Variants in RCBTB2 observed in about 807,000 individuals in gnomAD.
RCBTB2 encodes the protein RCC1 and BTB domain containing protein 2.
A neutral mutation model predicts 65.4 loss-of-function variants in RCBTB2; 55 were observed. The ratio of observed to expected loss-of-function variants is 0.84; its 90% confidence interval spans 0.68 to 1.05. The LOEUF (loss-of-function observed/expected upper bound fraction) is 1.05. Ranked by LOEUF, RCBTB2 falls within the 50% of genes least tolerant of loss-of-function variation. The probability of loss-of-function intolerance (pLI) is 0.00; values close to 1 mark genes in which losing one functional copy is unlikely to be tolerated. For synonymous variants in RCBTB2, 220 were observed against 255.2 expected (o/e 0.86, Z 1.31); for missense variants, 599 against 680.1 (o/e 0.88, Z 1.33).
chr13:48,512,025 G>C lies in RCBTB2; in HGVS notation c.666C>G (p.Asp222Glu). 1 of 1,613,828 alleles carries C rather than the reference G, an allele frequency of 6.2e-7. No individual in the cohort carries two copies. The highest frequency in any genetic ancestry group is 1.3e-5 in the African/African-American group (1 of 75,022). Reference protein sequence around the residue: ...CGQMCCMAVVDTGEVYVWGYN... With the variant: ...CGQMCCMAVVETGEVYVWGYN... ...AAAATAACTTCCTTACCTCCCCCGT[G>C]TCTACTACTGCCATGCAGCACATCT... Residue 222 changes from aspartate (D) to glutamate (E), a missense_variant, in exon 8 of 15, where the codon GAC (aspartate) becomes GAG (glutamate). Coordinates refer to ENST00000344532, the MANE Select transcript of RCBTB2 (RefSeq NM_001268.4).
chr13:48,533,666 G>T (rs1952302834), upstream of RCBTB2, among the ~76,000 whole-genome samples: 1 of 152,106 alleles, frequency 6.6e-6, no homozygotes. Context: ...TTCGAAAACA[G>T]CCACCTTCTC....
At chr13:48,523,898 A>G (rs1362776510) in intron 2 of RCBTB2, among the ~76,000 whole-genome samples, 1 of 152,222 alleles carries the variant, frequency 6.6e-6, no homozygotes, top group Non-Finnish European at 1.5e-5. Context: ...ATCTGACATC[A>G]GGTTAAGACA....
At chr13:48,510,587 C>G in intron 10 of RCBTB2, 42 bp downstream of exon 10, 1 of 1,596,816 alleles carries the variant, frequency 6.3e-7, no homozygotes, top group Non-Finnish European at 8.6e-7. Context: ...TAATCACAAT[C>G]ACCAAAGACC....
At chr13:48,514,564 A>C (rs1950981452) in intron 6 of RCBTB2, among the ~76,000 whole-genome samples, 1 of 152,118 alleles carries the variant, frequency 6.6e-6, no homozygotes, top group African/African-American at 2.4e-5. Context: ...GCCTAGGATA[A>C]AGGTGCCTTC....
Position 48,524,704 on chromosome 13 carries a change from T to A in RCBTB2, c.-165A>T, listed in dbSNP as rs1489710509. The A allele has an allele frequency of 3.3e-5, 5 of 152,218 alleles. No homozygotes were observed. The highest frequency in any genetic ancestry group is 7.4e-5 in the Non-Finnish European group (5 of 68,024). 9.4% of individuals were successfully genotyped at this position (152,218 alleles called of 1,614,324 possible). Reference sequence around the variant, plus strand: ...GAACCCAGTATTCAGTCATCTTTAATCCTGTTCCTTTTAGATCCTTGTAAA... The same window carrying A: ...GAACCCAGTATTCAGTCATCTTTAAACCTGTTCCTTTTAGATCCTTGTAAA... On this transcript the variant is annotated 5_prime_UTR_variant, in exon 2 of 15. Transcript: ENST00000344532.
chr13:48,492,390 A>G (rs189917050), intron 14 of RCBTB2: 1 of 152,404 alleles, frequency 6.6e-6, no homozygotes, highest in East Asian at 1.9e-4. Flanking sequence ...CATTTGCATC[A>G]TTAGACAAGC....
intron 10 of RCBTB2, among the ~76,000 whole-genome samples, chr13:48,505,934 G>A (rs925409904): frequency 6.6e-6 from 1 of 152,184 alleles, no homozygotes; most frequent in African/African-American, 2.4e-5. Flanking sequence ...TTTAGCTGAG[G>A]AACTCATGAT....
rs1348477682 is a variant in RCBTB2 at position 48,533,052 on chromosome 13, C to T, written c.-243G>A. 4.4e-6 allele frequency: 2 copies of T among 454,686 alleles called. No homozygotes were observed. The highest frequency in any genetic ancestry group is 3.1e-5 in the South Asian group (2 of 64,538). The allele number at this position is 454,686 out of a possible 1,614,324, so 28.2% of individuals were successfully genotyped here. On this transcript the variant is annotated 5_prime_UTR_variant, in exon 1 of 15. Transcript: ENST00000344532. ...CCTCCTCGCAGGCCGGAGCCTTGTC[C>T]GCTCCGCCTCCTGGGTAGCGGTTAC...
intron 1 of RCBTB2, among the ~76,000 whole-genome samples, chr13:48,526,777 G>A (rs1040193681): frequency 2.0e-5 from 3 of 151,912 alleles, no homozygotes; most frequent in Admixed American, 6.6e-5. Flanking sequence ...TTAGCCAGGC[G>A]TAAGAGTGTG....
chr13:48,498,715 A>T (rs910431344), intron 13 of RCBTB2, among the ~76,000 whole-genome samples: 1 of 150,242 alleles, frequency 6.7e-6, no homozygotes, highest in Non-Finnish European at 1.5e-5. Context: ...GGGCAACAAG[A>T]GTGAAACTCT....
intron 10 of RCBTB2, chr13:48,504,132 C>A (rs1950374618): frequency 7.2e-6 from 7 of 978,284 alleles, no homozygotes; most frequent in Non-Finnish European, 8.5e-6. Flanking sequence ...TCCCCTCAGC[C>A]ACCACTGGGG....
At chr13:48,496,344 AG>A in intron 13 of RCBTB2, 23 bp from the exon 14 acceptor site, 1 of 1,512,710 alleles carries the variant, frequency 6.6e-7, no homozygotes, top group Admixed American at 2.3e-5. Flanking sequence ...GGTGTTTATT[AG>A]GGGGAGTGAT....
Position 48,522,390 on chromosome 13 carries a change from T to C in RCBTB2, c.-106A>G, listed in dbSNP as rs1376460458. ...CAATTCTCAGCTCCACAGAAGAATA[T>C]ATGATTTGCTAAGCTGGAAAAAAAA... is the stretch of plus-strand genomic sequence containing the variant. On this transcript the variant is annotated 5_prime_UTR_variant, in exon 3 of 15. The change creates a new upstream start codon in the 5' untranslated region. Coordinates refer to ENST00000344532, the MANE Select transcript of RCBTB2 (RefSeq NM_001268.4). 2 of 1,399,574 alleles carry C rather than the reference T, an allele frequency of 1.4e-6. No individual in the cohort carries two copies. The highest frequency in any genetic ancestry group is 1.9e-6 in the Non-Finnish European group (2 of 1,028,246). 86.7% of individuals were successfully genotyped at this position (1,399,574 alleles called of 1,614,324 possible).
At chr13:48,527,330 T>TATG (rs1951810931) in intron 1 of RCBTB2, among the ~76,000 whole-genome samples, 1 of 131,394 alleles carries the variant, frequency 7.6e-6, no homozygotes, top group African/African-American at 3.9e-5. Context: ...CATATATATA[T>TATG]ATATATGATA....
chr13:48,527,369 G>GATATATATTTATATATCAT (rs1951849153), intron 1 of RCBTB2, among the ~76,000 whole-genome samples: 1 of 99,856 alleles, frequency 1.0e-5, no homozygotes, highest in Non-Finnish European at 2.0e-5. Context: ...ATTTATATAT[G>GATATATATTTATATATCAT]ATATATATAT....
rs751695939 is a variant in RCBTB2, at chr13:48,515,686, A to G, written c.98T>C (p.Ile33Thr). 16 of 1,614,086 alleles carry G rather than the reference A, an allele frequency of 9.9e-6. No individual in the cohort carries two copies. The highest frequency in any genetic ancestry group is 1.4e-5 in the Non-Finnish European group (16 of 1,180,020). Residue 33 changes from isoleucine to threonine, a missense_variant, in exon 5 of 15, where the codon ATT becomes ACT. Transcript: ENST00000344532. ...LKMLDVGKWP[I>T]FSLCSEEELQ... is the part of the protein sequence containing the mutation. The stretch of plus-strand genomic sequence containing the variant: ...TTCTTCTTCAGAACAAAGGGAAAAA[A>G]TTGGCCACTTTCCCACATCTAACAT...
chr13:48,522,115 G>T (rs1951461371), intron 3 of RCBTB2, among the ~76,000 whole-genome samples, 153 bp from the exon 4 acceptor site: 1 of 152,178 alleles, frequency 6.6e-6, no homozygotes, highest in South Asian at 2.1e-4. Flanking sequence ...GCATGGGAAT[G>T]AACAGCTATA....
chr13:48,527,361 T>TATGATATATATATATGATATA lies in RCBTB2; in HGVS notation c.-218-2605_-218-2604insTATATCATATATATATATCAT. 6.0e-4 allele frequency among the ~76,000 whole-genome samples: 67 copies of TATGATATATATATATGATATA among 112,410 alleles called. 3 individuals carry two copies. The highest frequency in any genetic ancestry group is 3.6e-3 in the African/African-American group (66 of 18,086). 73.7% of individuals were successfully genotyped at this position (112,410 alleles called of 152,430 possible). On this transcript the variant is annotated intron_variant, in intron 1 of 14. Transcript: ENST00000344532. ...TGATATATATATATATGATATATAT[T>TATGATATATATATATGATATA]TATATATGATATATATATATGATAT... is the stretch of plus-strand genomic sequence containing the variant.
Position 48,522,303 on chromosome 13 carries a change from T to C in RCBTB2, c.-24+5A>G, listed in dbSNP as rs780910590. ...TCCTGTGATAAGGAAAAATAAATTT[T>C]AGACCTTTGTCAACTTTTCTCTGGG... On this transcript the variant is annotated splice_donor_5th_base_variant and intron_variant, in intron 3 of 14. Coordinates refer to ENST00000344532, the MANE Select transcript of RCBTB2 (RefSeq NM_001268.4). The C allele has an allele frequency of 2.7e-6, 4 of 1,507,392 alleles. No homozygotes were observed. The South Asian group carries it at 4.8e-5, about 18-fold the overall frequency. 93.4% of individuals were successfully genotyped at this position (1,507,392 alleles called of 1,614,324 possible).
Sources: allele counts gnomAD v4.1 joint callset (sites outside exome capture counted in the v4.1 genomes callset), GRCh38; gene constraint gnomAD v4.1.1; transcripts MANE v1.5; gene names NCBI Gene and HGNC (gene_info 2026-07-23, HGNC 2026-07-21).